DGCR2: variants seen among roughly 807,000 people sequenced by gnomAD.
DGCR2 encodes integral membrane protein DGCR2/IDD.
In DGCR2, 24 loss-of-function variants were observed where a neutral mutation model predicts 51.6. That is an observed-to-expected ratio of 0.47 (90% CI 0.34 to 0.65). The LOEUF is 0.65. Among genes scored for constraint, DGCR2 ranks in the 30% least tolerant of loss-of-function variants. DGCR2 has a pLI of 0.01. For missense variants in DGCR2, 765 were observed against 772.1 expected (o/e 0.99, Z 0.11); for synonymous variants, 340 against 315.4 (o/e 1.08, Z -0.82).
intron 5 of DGCR2, chr22:19,060,812 G>T (rs772372445): frequency 2.0e-6 from 1 of 499,376 alleles, no homozygotes. Context: ...GCTGGTGTGG[G>T]CCTGGGGGAG....
At chr22:19,062,773 A>ATTC (rs1248707469) in intron 5 of DGCR2, among the ~76,000 whole-genome samples, 4 of 113,292 alleles carry the variant, frequency 3.5e-5, no homozygotes, top group Admixed American at 9.0e-5. Context: ...ACACACATGC[A>ATTC]TGCTCACTCT....
intron 6 of DGCR2, among the ~76,000 whole-genome samples, chr22:19,049,192 T>C (rs1185944741): frequency 6.6e-6 from 1 of 152,206 alleles, no homozygotes; most frequent in Non-Finnish European, 1.5e-5. Context: ...ATGCAGCTGC[T>C]ATGAGTATTA....
intron 6 of DGCR2, among the ~76,000 whole-genome samples, chr22:19,056,665 T>C (rs2082606824): frequency 6.6e-6 from 1 of 151,972 alleles, no homozygotes; most frequent in Admixed American, 6.6e-5. Context: ...CAGCCTTAGA[T>C]GCTCCAGAGA....
At chr22:19,081,516 T>C (rs1427779256) in intron 2 of DGCR2, among the ~76,000 whole-genome samples, 3 of 152,212 alleles carry the variant, frequency 2.0e-5, no homozygotes, top group African/African-American at 7.2e-5. Context: ...CATTCCATCA[T>C]GTGAGCACAG....
rs893023325 is a variant in DGCR2, at chr22:19,037,448, C to A, written c.*1417G>T. ...AGAACTGCATGCTTCAGACAGGCCT[C>A]CCAGGTGCTGCCCCGCTGGTCTGGA... On this transcript the variant is annotated 3_prime_UTR_variant, in exon 10 of 10. Coordinates refer to ENST00000263196, the MANE Select transcript of DGCR2 (RefSeq NM_005137.3). The A allele has an allele frequency of 7.2e-6, 1 of 139,036 alleles. No individual in the cohort carries two copies. Among genetic ancestry groups the A allele is most frequent in the Non-Finnish European group, 1.6e-5 (1 of 63,608 alleles). 8.6% of individuals were successfully genotyped at this position (139,036 alleles called of 1,614,324 possible). A position where few individuals can be genotyped will look rare whatever the true frequency, so the allele number is the denominator to read the frequency against.
intron 2 of DGCR2, among the ~76,000 whole-genome samples, chr22:19,086,247 G>A (rs1202260551): frequency 1.4e-4 from 21 of 152,060 alleles, no homozygotes; most frequent in Admixed American, 1.3e-3. Context: ...GGAGGCCGAG[G>A]AGAGCGGATC....
rs1267033661 is a variant in DGCR2 at position 19,036,452 on chromosome 22, G to C, written c.*2413C>G. 6.6e-6 allele frequency: 1 copy of C among 152,538 alleles called. No individual in the cohort carries two copies. Among genetic ancestry groups the C allele is most frequent in the Admixed American group, 6.5e-5 (1 of 15,286 alleles). The allele number at this position is 152,538 out of a possible 1,614,324, so 9.4% of individuals were successfully genotyped here. ...AATCCCACCTCCGCATGGCAGGTCA[G>C]AGGGCACCTGGGCTCTGAGAAACCG... On this transcript the variant is annotated 3_prime_UTR_variant, in exon 10 of 10. Transcript: ENST00000263196.
At chr22:19,059,734 C>T (rs774422584) in intron 5 of DGCR2, among the ~76,000 whole-genome samples, 4 of 152,052 alleles carry the variant, frequency 2.6e-5, no homozygotes, top group Admixed American at 6.5e-5. Flanking sequence ...TGGGCTGGGC[C>T]GTCACCAGCC....
chr22:19,089,406 G>A lies in DGCR2; in HGVS notation c.164C>T (p.Ala55Val), dbSNP rs572211774. ...TTCGTCGCTCTCATCCTCGCAAGTC[G>A]CCCAGCCGTCACACTGCCAGGGGAG... ...IPLPWQCDGW[A>V]TCEDESDEAN... is the part of the protein sequence containing the mutation. The change falls in exon 2 of 10, where the codon GCG (alanine) becomes GTG (valine). Residue 55 changes from alanine to valine, a missense_variant. Ala to Val is a moderately conservative substitution (Grantham distance 64). Coordinates refer to ENST00000263196, the MANE Select transcript of DGCR2 (RefSeq NM_005137.3). The A allele has an allele frequency of 5.6e-6, 9 of 1,610,600 alleles. No homozygotes were observed. Among genetic ancestry groups the A allele is most frequent in the East Asian group, 4.5e-5 (2 of 44,554 alleles).
intron 2 of DGCR2, among the ~76,000 whole-genome samples, chr22:19,074,983 T>C (rs1414991815): frequency 6.6e-6 from 1 of 152,216 alleles, no homozygotes; most frequent in South Asian, 2.1e-4. Context: ...GCCAGTCCCT[T>C]CCAATCCAAG....
rs1318332840 is a variant in DGCR2 at position 19,048,580 on chromosome 22, C to G, written c.866G>C (p.Gly289Ala). The G allele has an allele frequency of 6.2e-6, 10 of 1,614,106 alleles. No homozygotes were observed. Among genetic ancestry groups the G allele is most frequent in the Non-Finnish European group, 7.6e-6 (9 of 1,180,042 alleles). ...GGTGCAGCTCAGGCATGGGTCGTCC[C>G]CCTTAGGGGTGAAGTAGAACCCTTC... ...VDEGFYFTPK[G>A]DDPCLSCTCH... Residue 289 changes from glycine (G) to alanine (A), a missense_variant, in exon 7 of 10, where the codon GGG (glycine) becomes GCG (alanine). Gly to Ala is a moderately conservative substitution (Grantham distance 60, BLOSUM62 0). Around this residue, in one of 3 missense-constraint regions of DGCR2, gnomAD observed 190 missense variants for 265.2 expected, o/e 0.72. Coordinates refer to ENST00000263196, the MANE Select transcript of DGCR2 (RefSeq NM_005137.3).
chr22:19,036,327 C>G lies in DGCR2; in HGVS notation c.*2538G>C, dbSNP rs1425197875. ...TATTTGGCATTTGGATGAAATGATT[C>G]TCACAGCATCTTAAGAAAAGTTAGT... is the stretch of plus-strand genomic sequence containing the variant. On this transcript the variant is annotated 3_prime_UTR_variant, in exon 10 of 10. Transcript: ENST00000263196. The G allele has an allele frequency of 6.6e-6, 1 of 152,546 alleles. No individual in the cohort carries two copies. The highest frequency in any genetic ancestry group is 2.4e-5 in the African/African-American group (1 of 41,464). 9.4% of individuals were successfully genotyped at this position (152,546 alleles called of 1,614,324 possible). A position where few individuals can be genotyped will look rare whatever the true frequency, so the allele number is the denominator to read the frequency against.
intron 5 of DGCR2, among the ~76,000 whole-genome samples, chr22:19,062,813 C>CTCTCT (rs1569053068): frequency 3.4e-5 from 4 of 116,864 alleles, no homozygotes; most frequent in Non-Finnish European, 7.8e-5. Flanking sequence ...TCTCTATCTG[C>CTCTCT]CTGATAGTTT....
chr22:19,059,614 C>G (rs1023528767), intron 5 of DGCR2, among the ~76,000 whole-genome samples: 2 of 152,146 alleles, frequency 1.3e-5, no homozygotes, highest in Non-Finnish European at 1.5e-5. Context: ...TCCTCACCCC[C>G]TGCCACCCCA....
intron 1 of DGCR2, among the ~76,000 whole-genome samples, chr22:19,118,302 T>A (rs531182448): frequency 1.5e-5 from 2 of 133,968 alleles, no homozygotes; most frequent in African/African-American, 2.8e-5. Flanking sequence ...ACCCAGGAGG[T>A]GGAGGTTACA....
intron 2 of DGCR2, among the ~76,000 whole-genome samples, chr22:19,087,227 C>T (rs1197526846): frequency 6.6e-6 from 1 of 152,090 alleles, no homozygotes; most frequent in Non-Finnish European, 1.5e-5. Context: ...CCCCAAAGAC[C>T]CACCAGAGAG....
chr22:19,102,160 A>C (rs1356108557), intron 1 of DGCR2, among the ~76,000 whole-genome samples: 1 of 152,252 alleles, frequency 6.6e-6, no homozygotes, highest in Admixed American at 6.5e-5. Flanking sequence ...AAGTGAAAGA[A>C]GACAGACACA....
Position 19,038,890 on chromosome 22 carries a change from C to A in DGCR2, c.1628G>T (p.Arg543Leu), listed in dbSNP as rs9605924. Residue 543 changes from arginine to leucine, a missense_variant, in exon 10 of 10, where the codon CGC becomes CTC. Transcript: ENST00000263196. ...CTACACCACAGTATTGAGGGAGCTG[C>A]GGCTGTGGCGGCCACCCCCTGGCAG... ...EALPGGGRHS[R>L]SSLNTVV 6.2e-7 allele frequency: 1 copy of A among 1,612,900 alleles called. No individual in the cohort carries two copies. Among genetic ancestry groups the A allele is most frequent in the Middle Eastern group, 1.6e-4 (1 of 6,062 alleles).
At chr22:19,063,612 G>A (rs1240401738) in intron 4 of DGCR2, among the ~76,000 whole-genome samples, 2 of 151,396 alleles carry the variant, frequency 1.3e-5, no homozygotes, top group East Asian at 3.9e-4. Context: ...GCTTCCCAAA[G>A]TGCTGGGATT....
Sources: gnomAD v4.1 joint callset for allele counts (sites outside exome capture counted in the v4.1 genomes callset) on GRCh38, gnomAD v4.1.1 for gene constraint, gnomAD v4.1.1 regional missense constraint, MANE v1.5 for transcripts, NCBI Gene and HGNC (gene_info 2026-07-23, HGNC 2026-07-21) for gene names.